The following ST6GALNAC2 variants were observed in gnomAD, a reference collection of about 807,000 sequenced individuals.
The protein encoded by ST6GALNAC2 is alpha-N-acetylgalactosaminide alpha-2,6-sialyltransferase 2.
Under a neutral mutation model 38.7 loss-of-function variants are expected in ST6GALNAC2, and 42 were observed. That is an observed-to-expected ratio of 1.09 (90% CI 0.85 to 1.40). The LOEUF (loss-of-function observed/expected upper bound fraction) is 1.40, where lower values mean the gene tolerates loss of function less well. ST6GALNAC2 is among the 40% of genes most tolerant of loss of function. ST6GALNAC2 has a pLI of 0.00. For synonymous variants in ST6GALNAC2, 233 were observed against 209.0 expected, an observed-to-expected ratio of 1.11 and a Z score of -0.99; for missense variants, 506 against 481.7, an observed-to-expected ratio of 1.05 and a Z score of -0.47.
intron 7 of ST6GALNAC2, chr17:76,567,928 C>T (rs111748404): frequency 2.3e-5 from 6 of 264,444 alleles, no homozygotes; most frequent in African/African-American, 8.9e-5. Flanking sequence ...ACCCTGTGAC[C>T]GGACCCACAC....
chr17:76,567,253 C>T (rs1033128408), intron 8 of ST6GALNAC2, among the ~76,000 whole-genome samples, 200 bp downstream of exon 8: 1 of 152,180 alleles, frequency 6.6e-6, no homozygotes, highest in African/African-American at 2.4e-5. Flanking sequence ...CAAGGCAAGG[C>T]TGGCCCAGGA....
At chr17:76,568,836 G>A (rs372171913) in intron 6 of ST6GALNAC2, 40 bp from the exon 7 acceptor site, 257 of 1,602,300 alleles carry the variant, frequency 1.6e-4, no homozygotes, top group Non-Finnish European at 2.1e-4. Flanking sequence ...GCCCAGAGCC[G>A]TCGTATTGCA....
chr17:76,583,375 C>CAAAAAAAA lies in ST6GALNAC2; in HGVS notation c.125+2301_125+2308dup, dbSNP rs71158028. 1.6e-4 allele frequency among the ~76,000 whole-genome samples: 16 copies of CAAAAAAAA among 97,530 alleles called. 1 individual carries two copies. Among genetic ancestry groups the CAAAAAAAA allele is most frequent in the African/African-American group, 2.3e-4 (6 of 25,896 alleles). The allele number at this position is 97,530 out of a possible 152,430, so 64.0% of individuals were successfully genotyped here. A position where few individuals can be genotyped will look rare whatever the true frequency, so the allele number is the denominator to read the frequency against. On this transcript the variant is annotated intron_variant, in intron 1 of 8. Transcript: ENST00000225276. ...TGGGCGACAGAGGGAGACTCTGTCC[C>CAAAAAAAA]AAAAAAAAAAAGAAGATAATGTATT...
rs1274794536 is a variant in ST6GALNAC2, at chr17:76,566,246, C to G, written c.983G>C (p.Ser328Thr). Residue 328 changes from serine to threonine, a missense_variant, in exon 9 of 9, where the codon AGC becomes ACC. Ser to Thr is a moderately conservative substitution (Grantham distance 58). Coordinates refer to ENST00000225276, the MANE Select transcript of ST6GALNAC2 (RefSeq NM_006456.3). ...GTGGTCGGAAAATTTCCAGTAGTTG[C>G]TTGTGATGAATCCATAGGCACTGAC... is the stretch of plus-strand genomic sequence containing the variant. ...DQVSAYGFIT[S>T]NYWKFSDHYF... The G allele has an allele frequency of 2.5e-6, 4 of 1,614,084 alleles. No individual in the cohort carries two copies. Among genetic ancestry groups the G allele is most frequent in the Non-Finnish European group, 2.5e-6 (3 of 1,180,018 alleles).
chr17:76,573,290 AG>A lies in ST6GALNAC2; in HGVS notation c.434del (p.Pro145LeufsTer16). ...AKLFAPPRDT[P>X]PKCIRCAVVG... The stretch of plus-strand genomic sequence containing the variant: ...CCACGGCACACCGGATACACTTTGG[AG>A]GGGTGTCCCTGGGCGGGGCAAACAG... On this transcript the variant is annotated frameshift_variant, in exon 4 of 9. Transcript: ENST00000225276. LOFTEE classifies it high-confidence loss of function. This position sits in a 1 kb window ranked among gnomAD's most constrained non-coding sequence, Gnocchi z 5.1. 1 of 1,607,240 alleles carries A rather than the reference AG, an allele frequency of 6.2e-7. No homozygotes were observed. The highest frequency in any genetic ancestry group is 8.5e-7 in the Non-Finnish European group (1 of 1,176,836).
Position 76,585,822 on chromosome 17 carries a change from G to C in ST6GALNAC2, c.-14C>G, listed in dbSNP as rs777028890. 5 of 1,530,240 alleles carry C rather than the reference G, an allele frequency of 3.3e-6. No homozygotes were observed. The South Asian group carries it at 6.1e-5, about 19-fold the overall frequency. The allele number at this position is 1,530,240 out of a possible 1,614,324, so 94.8% of individuals were successfully genotyped here. On this transcript the variant is annotated 5_prime_UTR_variant, in exon 1 of 9. Coordinates refer to ENST00000225276, the MANE Select transcript of ST6GALNAC2 (RefSeq NM_006456.3). ...CGGGAGCCCCATACAGCCCCGGCCC[G>C]CGAGCGCCCCGTCCGCTGACGTCCC... is the stretch of plus-strand genomic sequence containing the variant.
At chr17:76,578,411 G>C (rs1156792311) in intron 2 of ST6GALNAC2, among the ~76,000 whole-genome samples, 1 of 152,162 alleles carries the variant, frequency 6.6e-6, no homozygotes, top group African/African-American at 2.4e-5. Context: ...TTGCTCCAGG[G>C]TGAGCAGTTT....
At chr17:76,579,216 G>A (rs942064984) in intron 1 of ST6GALNAC2, among the ~76,000 whole-genome samples, 16 of 152,356 alleles carry the variant, frequency 1.1e-4, no homozygotes, top group African/African-American at 3.6e-4. Context: ...ACTGCGCCCA[G>A]CTCTGTGCTC....
In ST6GALNAC2 at chr17:76,573,153, C is replaced by A; in HGVS notation, c.530+42G>T. ...GGGGGAGACACCCCCACCCTCCAGG[C>A]AACTCTCCCTCCCGCCCCTCCCCAG... On this transcript the variant is annotated intron_variant, in intron 4 of 8. Transcript: ENST00000225276. The surrounding 1 kb of genome is among the most constrained non-coding windows in gnomAD (Gnocchi z 5.1). 2.6e-6 allele frequency: 4 copies of A among 1,538,934 alleles called. No homozygotes were observed. The highest frequency in any genetic ancestry group is 8.8e-7 in the Non-Finnish European group (1 of 1,131,522).
At chr17:76,585,008 G>A (rs1362992155) in intron 1 of ST6GALNAC2, among the ~76,000 whole-genome samples, 1 of 152,264 alleles carries the variant, frequency 6.6e-6, no homozygotes, top group African/African-American at 2.4e-5. Flanking sequence ...GGGACACCCA[G>A]GAAAGTGCCT....
chr17:76,583,517 ATTATTT>A (rs2143324518), intron 1 of ST6GALNAC2, among the ~76,000 whole-genome samples: 1 of 151,994 alleles, frequency 6.6e-6, no homozygotes, highest in Admixed American at 6.6e-5. Context: ...TCCCCAAAAG[ATTATTT>A]TTATAAGAAA....
At chr17:76,567,929 G>C (rs1032553078) in intron 7 of ST6GALNAC2, 1 of 265,046 alleles carries the variant, frequency 3.8e-6, no homozygotes, top group East Asian at 9.7e-5. Context: ...CCCTGTGACC[G>C]GACCCACACA....
At chr17:76,581,365 A>G (rs1404073974) in intron 1 of ST6GALNAC2, among the ~76,000 whole-genome samples, 1 of 150,944 alleles carries the variant, frequency 6.6e-6, no homozygotes, top group Non-Finnish European at 1.5e-5. Flanking sequence ...GAAAAACCCC[A>G]TTGCTCAGCC....
rs1298735547 is a variant in ST6GALNAC2, at chr17:76,585,724, A to C, written c.85T>G (p.Ser29Ala). The C allele has an allele frequency of 6.5e-7, 1 of 1,539,894 alleles. No individual in the cohort carries two copies. Among genetic ancestry groups the C allele is most frequent in the Admixed American group, 2.0e-5 (1 of 50,904 alleles). ...GGCCCCGGGTACCGCTGCACCGCCG[A>C]GAAGTACAGGGCAAAGAGGAGCCCC... ...CSGLLFALYFSAVQRYPGPAA... is the reference protein window; with the variant it reads ...CSGLLFALYFAAVQRYPGPAA... Residue 29 changes from serine (S) to alanine (A), a missense_variant, in exon 1 of 9, where the codon TCG (serine) becomes GCG (alanine). Transcript: ENST00000225276.
At chr17:76,566,853 T>A (rs1452420704) in intron 8 of ST6GALNAC2, among the ~76,000 whole-genome samples, 1 of 151,842 alleles carries the variant, frequency 6.6e-6, no homozygotes, top group Non-Finnish European at 1.5e-5. Context: ...GGGAAAAGAT[T>A]TAGGTGTGAG....
chr17:76,571,924 G>A (rs1472043783), intron 5 of ST6GALNAC2, among the ~76,000 whole-genome samples: 2 of 152,260 alleles, frequency 1.3e-5, no homozygotes, highest in African/African-American at 2.4e-5. Flanking sequence ...CCTGGGACAC[G>A]TCCCTCAGTG....
In ST6GALNAC2 at chr17:76,573,272, A is replaced by G; in HGVS notation, c.453T>C (p.Cys151=). The part of the protein sequence containing the change: ...PRDTPPKCIR[C]AVVGNGGILN... ...GAATGCCTCCGTTGCCCACCACGGCACACCGGATACACTTTGGAGGGGTGT... is the reference window on the plus strand; with the variant it reads ...GAATGCCTCCGTTGCCCACCACGGCGCACCGGATACACTTTGGAGGGGTGT... The change falls in exon 4 of 9, where the codon TGT becomes TGC. Residue 151 remains cysteine (C), a synonymous_variant. Transcript: ENST00000225276. The surrounding 1 kb of genome is among the most constrained non-coding windows in gnomAD (Gnocchi z 5.1). 6.2e-7 allele frequency: 1 copy of G among 1,611,170 alleles called. No individual in the cohort carries two copies. Among genetic ancestry groups the G allele is most frequent in the Middle Eastern group, 1.7e-4 (1 of 6,014 alleles).
chr17:76,568,888 C>A (rs537258276), intron 6 of ST6GALNAC2, 92 bp from the exon 7 acceptor site: 1 of 1,262,418 alleles, frequency 7.9e-7, no homozygotes, highest in Non-Finnish European at 1.1e-6. Context: ...GGAGTAGCCG[C>A]GGTACCCTGA....
At position 76,565,846 on chromosome 17, in the gene ST6GALNAC2, T is replaced by C. The variant is rs749588575; in HGVS notation, c.*258A>G. 1.7e-5 allele frequency: 7 copies of C among 412,382 alleles called. No homozygotes were observed. Among genetic ancestry groups the C allele is most frequent in the Middle Eastern group, 1.3e-3 (2 of 1,546 alleles). The allele number at this position is 412,382 out of a possible 1,614,324, so 25.5% of individuals were successfully genotyped here. A position where few individuals can be genotyped will look rare whatever the true frequency, so the allele number is the denominator to read the frequency against. ...ACCGACATTTCCTAAAGTTGCTCAGTGCCAATCCAGCAAAGCAGTCCATTT... is the reference window on the plus strand; with the variant it reads ...ACCGACATTTCCTAAAGTTGCTCAGCGCCAATCCAGCAAAGCAGTCCATTT... On this transcript the variant is annotated 3_prime_UTR_variant, in exon 9 of 9. Coordinates refer to ENST00000225276, the MANE Select transcript of ST6GALNAC2 (RefSeq NM_006456.3).
Sources: gnomAD v4.1 joint callset for allele counts (sites outside exome capture counted in the v4.1 genomes callset) on GRCh38, gnomAD v4.1.1 for gene constraint, Gnocchi (gnomAD v3.1) non-coding constraint, MANE v1.5 for transcripts, NCBI Gene and HGNC (gene_info 2026-07-23, HGNC 2026-07-21) for gene names.